SPTBN1: variants seen among roughly 807,000 people sequenced by gnomAD.
The protein encoded by SPTBN1 is spectrin beta chain, non-erythrocytic 1.
In SPTBN1, 32 loss-of-function variants were observed where a neutral mutation model predicts 266.4. The observed-to-expected ratio is 0.12, with a 90% CI of 0.09 to 0.16. SPTBN1 has a LOEUF of 0.16. Ranked by LOEUF, SPTBN1 falls within the 10% of genes least tolerant of loss-of-function variation. SPTBN1 has a pLI of 1.00. For synonymous variants in SPTBN1, 1,336 were observed against 1,162.2 expected (o/e 1.15, Z -3.04); for missense variants, 2,296 against 3,067.1 (o/e 0.75, Z 5.94).
intron 1 of SPTBN1, among the ~76,000 whole-genome samples, chr2:54,506,406 A>G (rs1385502345): frequency 6.6e-6 from 1 of 151,712 alleles, no homozygotes; most frequent in East Asian, 1.9e-4. Flanking sequence ...TCTCATGTAA[A>G]TATAATTTAA....
At chr2:54,530,016 C>A (rs1230931933) in intron 2 of SPTBN1, among the ~76,000 whole-genome samples, 2 of 152,146 alleles carry the variant, frequency 1.3e-5, no homozygotes, top group African/African-American at 4.8e-5. Flanking sequence ...TGTGGGGTTT[C>A]TGCTGAACAT....
intron 26 of SPTBN1, among the ~76,000 whole-genome samples, chr2:54,651,354 C>T (rs1419217846): frequency 7.5e-6 from 1 of 133,174 alleles, no homozygotes; most frequent in Non-Finnish European, 1.6e-5. Context: ...TAGTCTGCAC[C>T]TCACCATACC....
At position 54,540,007 on chromosome 2, in the gene SPTBN1, T is replaced by C. The variant is rs1371665964; in HGVS notation, c.148+13441T>C. Among the ~76,000 whole-genome samples, 5 of 152,114 alleles carry C rather than the reference T, an allele frequency of 3.3e-5. No homozygotes were observed. Among genetic ancestry groups the C allele is most frequent in the Admixed American group, 1.3e-4 (2 of 15,260 alleles). On this transcript the variant is annotated intron_variant, in intron 2 of 35. Transcript: ENST00000356805. This position sits in a 1 kb window ranked among gnomAD's most constrained non-coding sequence, Gnocchi z 5.6. ...CTCGTGAATGGGATTCATGTCCGTA[T>C]AAAGTAGACATGGGAAATGATCTTT...
intron 1 of SPTBN1, among the ~76,000 whole-genome samples, chr2:54,513,010 G>A (rs181768908): frequency 6.6e-6 from 1 of 152,238 alleles, no homozygotes; most frequent in Non-Finnish European, 1.5e-5. Flanking sequence ...TAGGCAGCAT[G>A]GCGAAACCCT....
chr2:54,456,873 C>T (rs978340003), intron 1 of SPTBN1, among the ~76,000 whole-genome samples: 2 of 151,558 alleles, frequency 1.3e-5, no homozygotes, highest in African/African-American at 4.8e-5. Flanking sequence ...CGGCGCCTCC[C>T]TGCAGCCGGG....
At chr2:54,603,668 C>G (rs1036927563) in intron 3 of SPTBN1, among the ~76,000 whole-genome samples, 1 of 152,126 alleles carries the variant, frequency 6.6e-6, no homozygotes, top group African/African-American at 2.4e-5. Flanking sequence ...TCTGAAAGCT[C>G]AAAGTTTCAT....
rs1680405809 is a variant in SPTBN1, at chr2:54,653,093, A to G, written c.5578-516A>G. 2.0e-5 allele frequency: 3 copies of G among 152,362 alleles called. No individual in the cohort carries two copies. In the South Asian group the frequency reaches 6.2e-4, roughly 31 times the overall value. 9.4% of individuals were successfully genotyped at this position (152,362 alleles called of 1,614,324 possible). Reference sequence around the variant, plus strand: ...AACGTTAATTAGTTATTTTAACCACATAGGGTGCCACGTTTTTATACTTTT... The same window carrying G: ...AACGTTAATTAGTTATTTTAACCACGTAGGGTGCCACGTTTTTATACTTTT... On this transcript the variant is annotated intron_variant, in intron 26 of 35. Coordinates refer to ENST00000356805, the MANE Select transcript of SPTBN1 (RefSeq NM_003128.3). This position sits in a 1 kb window ranked among gnomAD's most constrained non-coding sequence, Gnocchi z 5.1.
At chr2:54,637,915 A>G in intron 18 of SPTBN1, 112 bp downstream of exon 18, 1 of 894,622 alleles carries the variant, frequency 1.1e-6, no homozygotes, top group Non-Finnish European at 1.7e-6. Flanking sequence ...AGAAATCCAT[A>G]GCACCCATTT....
intron 3 of SPTBN1, among the ~76,000 whole-genome samples, chr2:54,603,125 A>T (rs1344245418): frequency 6.6e-6 from 1 of 152,176 alleles, no homozygotes; most frequent in African/African-American, 2.4e-5. Context: ...AGAAGGGGAG[A>T]TGAGCCCTCT....
At chr2:54,500,658 A>T (rs6545412) in intron 1 of SPTBN1, among the ~76,000 whole-genome samples, 21,038 of 152,016 alleles carry the variant, frequency 0.14, 1,555 homozygotes, top group Middle Eastern at 0.25. Context: ...GGATCCACCC[A>T]CCTCAGCCTC....
At chr2:54,577,623 G>A (rs1255940897) in intron 2 of SPTBN1, among the ~76,000 whole-genome samples, 1 of 152,204 alleles carries the variant, frequency 6.6e-6, no homozygotes, top group Non-Finnish European at 1.5e-5. Flanking sequence ...TGATTCATAT[G>A]CTCCTCATAG....
chr2:54,493,754 C>CG (rs1419886065), intron 1 of SPTBN1, among the ~76,000 whole-genome samples: 2 of 152,206 alleles, frequency 1.3e-5, no homozygotes, highest in African/African-American at 4.8e-5. Context: ...GGGTCCAAGA[C>CG]TAAGTGCCAA....
Position 54,664,796 on chromosome 2 carries a change from A to T in SPTBN1, c.6659+105A>T. On this transcript the variant is annotated intron_variant, in intron 33 of 35. Transcript: ENST00000356805. The surrounding 1 kb of genome is among the most constrained non-coding windows in gnomAD (Gnocchi z 5.6). ...GAGAAGTATGTGCTCATGTAGTTTT[A>T]TTCCTTTGGTAGCTTCCTGGACATT... is the stretch of plus-strand genomic sequence containing the variant. 8.4e-7 allele frequency: 1 copy of T among 1,183,620 alleles called. No individual in the cohort carries two copies. The highest frequency in any genetic ancestry group is 1.2e-6 in the Non-Finnish European group (1 of 842,864). 73.3% of individuals were successfully genotyped at this position (1,183,620 alleles called of 1,614,324 possible). A position where few individuals can be genotyped will look rare whatever the true frequency, so the allele number is the denominator to read the frequency against.
At chr2:54,588,957 A>G (rs1313735386) in intron 2 of SPTBN1, among the ~76,000 whole-genome samples, 1 of 152,120 alleles carries the variant, frequency 6.6e-6, no homozygotes, top group East Asian at 1.9e-4. Context: ...GTGGATACAT[A>G]GTAGATGTAT....
At chr2:54,469,462 A>G (rs1693807732) in intron 1 of SPTBN1, among the ~76,000 whole-genome samples, 1 of 152,304 alleles carries the variant, frequency 6.6e-6, no homozygotes, top group Non-Finnish European at 1.5e-5. Flanking sequence ...ACTTTCTCCA[A>G]CTAAGGGATT....
chr2:54,645,573 A>C lies in SPTBN1; in HGVS notation c.4494+120A>C, dbSNP rs566374045. 17 of 1,007,244 alleles carry C rather than the reference A, an allele frequency of 1.7e-5. No individual in the cohort carries two copies. In the South Asian group the frequency reaches 2.5e-4, roughly 15 times the overall value. 62.4% of individuals were successfully genotyped at this position (1,007,244 alleles called of 1,614,324 possible). On this transcript the variant is annotated intron_variant, in intron 21 of 35. Coordinates refer to ENST00000356805, the MANE Select transcript of SPTBN1 (RefSeq NM_003128.3). This position sits in a 1 kb window ranked among gnomAD's most constrained non-coding sequence, Gnocchi z 4.3. ...GCCACGTTGGCAAGCTGAGCTGCCAAAGTCCACGCTCTGGATGGTCTAAAG... is the reference window on the plus strand; with the variant it reads ...GCCACGTTGGCAAGCTGAGCTGCCACAGTCCACGCTCTGGATGGTCTAAAG...
intron 1 of SPTBN1, among the ~76,000 whole-genome samples, chr2:54,491,738 A>G (rs1273595831): frequency 1.3e-5 from 2 of 152,082 alleles, no homozygotes; most frequent in Non-Finnish European, 1.5e-5. Context: ...CCACAGATGC[A>G]TGCTGCCATA....
chr2:54,553,492 T>C (rs1453611354), intron 2 of SPTBN1, among the ~76,000 whole-genome samples: 1 of 152,250 alleles, frequency 6.6e-6, no homozygotes, highest in African/African-American at 2.4e-5. Context: ...AGGATTATTT[T>C]AGCATTATTT....
chr2:54,660,232 G>C, intron 32 of SPTBN1: 1 of 1,409,794 alleles, frequency 7.1e-7, no homozygotes, highest in Non-Finnish European at 9.3e-7. Flanking sequence ...ATTCATGTTT[G>C]AGTCTCTTAA....
Sources: allele counts gnomAD v4.1 joint callset (sites outside exome capture counted in the v4.1 genomes callset), GRCh38; gene constraint gnomAD v4.1.1; non-coding constraint Gnocchi (gnomAD v3.1); transcripts MANE v1.5; gene names NCBI Gene and HGNC (gene_info 2026-07-23, HGNC 2026-07-21).